The following IRX3 variants were observed in gnomAD, a reference collection of about 807,000 sequenced individuals.
IRX3 encodes the protein iroquois-class homeodomain protein IRX-3.
IRX3 carries 20 observed loss-of-function variants against 36.4 expected under a neutral mutation model. The observed-to-expected ratio is 0.55, with a 90% CI of 0.39 to 0.80. The LOEUF (loss-of-function observed/expected upper bound fraction) is 0.80, where lower values mean the gene tolerates loss of function less well. Ranked by LOEUF, IRX3 falls within the 30% of genes least tolerant of loss-of-function variation. IRX3 has a pLI of 0.00. For missense variants in IRX3, 718 were observed against 733.2 expected (o/e 0.98, Z 0.24); for synonymous variants, 404 against 351.6 (o/e 1.15, Z -1.67).
chr16:54,285,752 A>G lies in IRX3; in HGVS notation c.267+32T>C. On this transcript the variant is annotated intron_variant, in intron 1 of 3. Coordinates refer to ENST00000329734, the MANE Select transcript of IRX3 (RefSeq NM_024336.3). The surrounding 1 kb of genome is among the most constrained non-coding windows in gnomAD (Gnocchi z 5.7). Reference sequence around the variant, plus strand: ...CAGCTCGCCCTGCGCCCCAGCGCCAACCCCTCCTTCCCTGGCTCCGCGGGC... The same window carrying G: ...CAGCTCGCCCTGCGCCCCAGCGCCAGCCCCTCCTTCCCTGGCTCCGCGGGC... 6.7e-7 allele frequency: 1 copy of G among 1,501,414 alleles called. No individual in the cohort carries two copies. The highest frequency in any genetic ancestry group is 8.8e-7 in the Non-Finnish European group (1 of 1,134,424). 93.0% of individuals were successfully genotyped at this position (1,501,414 alleles called of 1,614,324 possible).
At position 54,285,796 on chromosome 16, in the gene IRX3, G is replaced by C. The variant is rs755529466; in HGVS notation, c.255C>G (p.Ile85Met). The C allele has an allele frequency of 1.8e-5, 28 of 1,559,072 alleles. No individual in the cohort carries two copies. Among genetic ancestry groups the C allele is most frequent in the Non-Finnish European group, 2.2e-5 (26 of 1,160,296 alleles). Residue 85 changes from isoleucine (I) to methionine (M), a missense_variant, in exon 1 of 4, where the codon ATC (isoleucine) becomes ATG (methionine). Transcript: ENST00000329734. This position sits in a 1 kb window ranked among gnomAD's most constrained non-coding sequence, Gnocchi z 5.7. ...AFLPYAAELPIFPQLGAQYEL... is the reference protein window; with the variant it reads ...AFLPYAAELPMFPQLGAQYEL... ...CGCGGGCTCTTACCAGCTGCGGGAA[G>C]ATGGGCAGCTCCGCGGCGTAGGGCA...
chr16:54,286,418 C>A lies in IRX3; in HGVS notation c.-368G>T, dbSNP rs1455186958. The A allele has an allele frequency of 1.7e-5, 17 of 984,144 alleles. No individual in the cohort carries two copies. Among genetic ancestry groups the A allele is most frequent in the Non-Finnish European group, 1.9e-5 (16 of 828,836 alleles). The allele number at this position is 984,144 out of a possible 1,614,324, so 61.0% of individuals were successfully genotyped here. A position where few individuals can be genotyped will look rare whatever the true frequency, so the allele number is the denominator to read the frequency against. On this transcript the variant is annotated 5_prime_UTR_variant, in exon 1 of 4. Coordinates refer to ENST00000329734, the MANE Select transcript of IRX3 (RefSeq NM_024336.3). ...ACTGCCCTCCTCTCCCCAGCAGTGT[C>A]GCGCCTCGCTTCCTTCGCCCTCCTC...
Position 54,285,987 on chromosome 16 carries a change from C to T in IRX3, c.64G>A (p.Ala22Thr). Reference protein sequence around the residue: ...RPLYPSERPGAAGGSGGSAGA... With the variant: ...RPLYPSERPGTAGGSGGSAGA... ...GCGCTGCCGCCGCTGCCGCCAGCGG[C>T]CCCCGGGCGCTCGGACGGGTAAAGC... Residue 22 changes from alanine (A) to threonine (T), a missense_variant, in exon 1 of 4, where the codon GCC becomes ACC. Coordinates refer to ENST00000329734, the MANE Select transcript of IRX3 (RefSeq NM_024336.3). This position sits in a 1 kb window ranked among gnomAD's most constrained non-coding sequence, Gnocchi z 5.7. 1.5e-6 allele frequency: 2 copies of T among 1,359,106 alleles called. No homozygotes were observed. The highest frequency in any genetic ancestry group is 3.9e-5 in the South Asian group (2 of 51,248). 84.2% of individuals were successfully genotyped at this position (1,359,106 alleles called of 1,614,324 possible).
rs759429738 is a variant in IRX3 at position 54,283,683 on chromosome 16, G to T, written c.*3C>A. The T allele has an allele frequency of 1.4e-5, 17 of 1,248,930 alleles. No individual in the cohort carries two copies. Among genetic ancestry groups the T allele is most frequent in the South Asian group, 1.2e-5 (1 of 83,620 alleles). 77.4% of individuals were successfully genotyped at this position (1,248,930 alleles called of 1,614,324 possible). A position where few individuals can be genotyped will look rare whatever the true frequency, so the allele number is the denominator to read the frequency against. ...TTTTTGTTTTTTTGTTTTTTTTAAAGAACTAGGATGAGGAGAGAGCCGATA... is the reference window on the plus strand; with the variant it reads ...TTTTTGTTTTTTTGTTTTTTTTAAATAACTAGGATGAGGAGAGAGCCGATA... On this transcript the variant is annotated 3_prime_UTR_variant, in exon 4 of 4. Coordinates refer to ENST00000329734, the MANE Select transcript of IRX3 (RefSeq NM_024336.3). The surrounding 1 kb of genome is among the most constrained non-coding windows in gnomAD (Gnocchi z 4.4).
Position 54,284,379 on chromosome 16 carries a change from G to A in IRX3, c.1385-67C>T, listed in dbSNP as rs774985356. ...CTCGGTGCCGGCGCCCAGGGCCGCA[G>A]AAAGCAGGAGTGGAGAGGGACGCGC... On this transcript the variant is annotated intron_variant, in intron 2 of 3. Transcript: ENST00000329734. This position sits in a 1 kb window ranked among gnomAD's most constrained non-coding sequence, Gnocchi z 4.0. 58 of 1,539,604 alleles carry A rather than the reference G, an allele frequency of 3.8e-5. No homozygotes were observed. The highest frequency in any genetic ancestry group is 5.1e-5 in the Non-Finnish European group (58 of 1,147,988).
At position 54,286,508 on chromosome 16, in the gene IRX3, G is replaced by A. The variant is rs1352981938; in HGVS notation, c.-458C>T. The A allele has an allele frequency of 1.1e-5, 6 of 539,664 alleles. No individual in the cohort carries two copies. Among genetic ancestry groups the A allele is most frequent in the African/African-American group, 6.2e-5 (3 of 48,182 alleles). 33.4% of individuals were successfully genotyped at this position (539,664 alleles called of 1,614,324 possible). The stretch of plus-strand genomic sequence containing the variant: ...CCTCTCCGCACTCCTCTTCCCCCCA[G>A]GATCGCTTCCGCTGCTTCGGGCTCC... On this transcript the variant is annotated 5_prime_UTR_variant, in exon 1 of 4. Transcript: ENST00000329734.
At position 54,285,733 on chromosome 16, in the gene IRX3, G is replaced by T. The variant is rs1448482417; in HGVS notation, c.267+51C>A. 1.3e-5 allele frequency: 19 copies of T among 1,473,742 alleles called. No homozygotes were observed. Among genetic ancestry groups the T allele is most frequent in the Non-Finnish European group, 1.7e-5 (19 of 1,121,636 alleles). The allele number at this position is 1,473,742 out of a possible 1,614,324, so 91.3% of individuals were successfully genotyped here. Reference sequence around the variant, plus strand: ...AGTCCGGCCCCCGCGCGCTCAGCTCGCCCTGCGCCCCAGCGCCAACCCCTC... The same window carrying T: ...AGTCCGGCCCCCGCGCGCTCAGCTCTCCCTGCGCCCCAGCGCCAACCCCTC... On this transcript the variant is annotated intron_variant, in intron 1 of 3. Coordinates refer to ENST00000329734, the MANE Select transcript of IRX3 (RefSeq NM_024336.3). The surrounding 1 kb of genome is among the most constrained non-coding windows in gnomAD (Gnocchi z 5.7).
Position 54,286,039 on chromosome 16 carries a change from G to A in IRX3, c.12C>T (p.Pro4=). 7.6e-7 allele frequency: 1 copy of A among 1,307,208 alleles called. No homozygotes were observed. Among genetic ancestry groups the A allele is most frequent in the Non-Finnish European group, 9.7e-7 (1 of 1,029,256 alleles). The allele number at this position is 1,307,208 out of a possible 1,614,324, so 81.0% of individuals were successfully genotyped here. A position where few individuals can be genotyped will look rare whatever the true frequency, so the allele number is the denominator to read the frequency against. The change falls in exon 1 of 4, where the codon CCC becomes CCT. Residue 4 remains proline (P), a synonymous_variant. Coordinates refer to ENST00000329734, the MANE Select transcript of IRX3 (RefSeq NM_024336.3). MSF[P]QLGYQYIRPL... ...GGCGGATGTATTGGTATCCCAGCTG[G>A]GGGAAGGACATGGTGGCCCGCGGGG...
Position 54,285,525 on chromosome 16 carries a change from G to A in IRX3, c.356C>T (p.Pro119Leu), listed in dbSNP as rs762071998. 2 of 1,612,794 alleles carry A rather than the reference G, an allele frequency of 1.2e-6. No homozygotes were observed. Among genetic ancestry groups the A allele is most frequent in the Non-Finnish European group, 1.7e-6 (2 of 1,179,360 alleles). Residue 119 changes from proline (P) to leucine (L), a missense_variant, in exon 2 of 4, where the codon CCG becomes CTG. By Grantham distance (98) the Pro-to-Leu change is moderately conservative (BLOSUM62 -3). Coordinates refer to ENST00000329734, the MANE Select transcript of IRX3 (RefSeq NM_024336.3). This position sits in a 1 kb window ranked among gnomAD's most constrained non-coding sequence, Gnocchi z 5.7. ...GTCCCCGAACTGGTACTGGCCATAC[G>A]GGTAGAAGGCGGGGTGCGGGTGCGG... ...AFPHPHPAFY[P>L]YGQYQFGDPS...
At position 54,285,647 on chromosome 16, in the gene IRX3, G is replaced by A. The variant is rs750106352; in HGVS notation, c.268-34C>T. On this transcript the variant is annotated intron_variant, in intron 1 of 3. Coordinates refer to ENST00000329734, the MANE Select transcript of IRX3 (RefSeq NM_024336.3). The surrounding 1 kb of genome is among the most constrained non-coding windows in gnomAD (Gnocchi z 5.7). ...ACATGGAGAAGGAAGGGACACGCGC[G>A]GAGGGAGCGCGAGTGAGCCCCAGCC... The A allele has an allele frequency of 5.4e-6, 8 of 1,483,296 alleles. No individual in the cohort carries two copies. Among genetic ancestry groups the A allele is most frequent in the Admixed American group, 4.6e-5 (2 of 43,382 alleles). 91.9% of individuals were successfully genotyped at this position (1,483,296 alleles called of 1,614,324 possible).
In IRX3 at chr16:54,284,458, G is replaced by A; in HGVS notation, c.1384+39C>T. The stretch of plus-strand genomic sequence containing the variant: ...CCGGCCAGCTCCGGCACTACCCGCA[G>A]AGCCCGCCCCCGCTCCGCGCCCAGC... On this transcript the variant is annotated intron_variant, in intron 2 of 3. Coordinates refer to ENST00000329734, the MANE Select transcript of IRX3 (RefSeq NM_024336.3). The surrounding 1 kb of genome is among the most constrained non-coding windows in gnomAD (Gnocchi z 4.0). The A allele has an allele frequency of 7.2e-7, 1 of 1,395,756 alleles. No individual in the cohort carries two copies. The highest frequency in any genetic ancestry group is 9.2e-7 in the Non-Finnish European group (1 of 1,084,264). 86.5% of individuals were successfully genotyped at this position (1,395,756 alleles called of 1,614,324 possible).
Position 54,284,587 on chromosome 16 carries a change from G to A in IRX3, c.1294C>T (p.Pro432Ser), listed in dbSNP as rs952394474. ...CCGGGAAGTCCCAGCAGGTGCGGAG[G>A]GGCAGAGCCCAGCAGGGAGAGCGGG... ...LHPLSLLGSA[P>S]PHLLGLPGAA... The change falls in exon 2 of 4, where the codon CCT becomes TCT. Residue 432 changes from proline (P) to serine (S), a missense_variant. Pro to Ser is a moderately conservative substitution (Grantham distance 74). Around this residue, in one of 3 missense-constraint regions of IRX3, gnomAD observed 468 missense variants for 462.1 expected, o/e 1.01. Transcript: ENST00000329734. This position sits in a 1 kb window ranked among gnomAD's most constrained non-coding sequence, Gnocchi z 4.0. The A allele has an allele frequency of 1.6e-5, 22 of 1,396,928 alleles. No individual in the cohort carries two copies. Among genetic ancestry groups the A allele is most frequent in the Admixed American group, 1.1e-4 (3 of 27,156 alleles). 86.5% of individuals were successfully genotyped at this position (1,396,928 alleles called of 1,614,324 possible).
Position 54,283,959 on chromosome 16 carries a change from G to T in IRX3, c.1452-219C>A. 1.0e-6 allele frequency: 1 copy of T among 985,370 alleles called. No homozygotes were observed. The highest frequency in any genetic ancestry group is 1.2e-6 in the Non-Finnish European group (1 of 829,884). The allele number at this position is 985,370 out of a possible 1,614,324, so 61.0% of individuals were successfully genotyped here. The stretch of plus-strand genomic sequence containing the variant: ...GGGCTGGAAAGAGGTGGGCGTCAGA[G>T]AACCGCCACCCGCCCCAGGGGCCTG... On this transcript the variant is annotated intron_variant, in intron 3 of 3. Transcript: ENST00000329734. The surrounding 1 kb of genome is among the most constrained non-coding windows in gnomAD (Gnocchi z 4.4).
Position 54,283,680 on chromosome 16 carries a change from A to G in IRX3, c.*6T>C. On this transcript the variant is annotated 3_prime_UTR_variant, in exon 4 of 4. Coordinates refer to ENST00000329734, the MANE Select transcript of IRX3 (RefSeq NM_024336.3). The surrounding 1 kb of genome is among the most constrained non-coding windows in gnomAD (Gnocchi z 4.4). The stretch of plus-strand genomic sequence containing the variant: ...TTTTTTTTGTTTTTTTGTTTTTTTT[A>G]AAGAACTAGGATGAGGAGAGAGCCG... 3 of 1,234,904 alleles carry G rather than the reference A, an allele frequency of 2.4e-6. No homozygotes were observed. Among genetic ancestry groups the G allele is most frequent in the Non-Finnish European group, 2.4e-6 (2 of 846,130 alleles). The allele number at this position is 1,234,904 out of a possible 1,614,324, so 76.5% of individuals were successfully genotyped here.
chr16:54,285,380 G>A lies in IRX3; in HGVS notation c.501C>T (p.Thr167=), dbSNP rs765066799. 3 of 1,614,212 alleles carry A rather than the reference G, an allele frequency of 1.9e-6. No homozygotes were observed. Among genetic ancestry groups the A allele is most frequent in the East Asian group, 2.2e-5 (1 of 44,846 alleles). Residue 167 remains threonine (T), a synonymous_variant, in exon 2 of 4, where the codon ACC becomes ACT. Coordinates refer to ENST00000329734, the MANE Select transcript of IRX3 (RefSeq NM_024336.3). The surrounding 1 kb of genome is among the most constrained non-coding windows in gnomAD (Gnocchi z 5.7). ...TGGACACCTGGGTGAGGGTCATCTT[G>A]GTGATGATGGCCAGCATGATCTTCT... ...KGEKIMLAII[T]KMTLTQVSTW... is the part of the protein sequence containing the mutation.
rs1252155647 is a variant in IRX3, at chr16:54,286,164, G to A, written c.-114C>T. ...GCTGGGCCGGGCTTGGGGCCGCGCTGCCGCCCGCGCTGCGCTGTGCTCCGC... is the reference window on the plus strand; with the variant it reads ...GCTGGGCCGGGCTTGGGGCCGCGCTACCGCCCGCGCTGCGCTGTGCTCCGC... On this transcript the variant is annotated 5_prime_UTR_variant, in exon 1 of 4. Transcript: ENST00000329734. 2.8e-5 allele frequency: 30 copies of A among 1,060,358 alleles called. No individual in the cohort carries two copies. The African/African-American group carries it at 4.6e-4, about 16-fold the overall frequency. 65.7% of individuals were successfully genotyped at this position (1,060,358 alleles called of 1,614,324 possible).
rs1567615630 is a variant in IRX3 at position 54,283,399 on chromosome 16, TAC to T, written c.*285_*286del. On this transcript the variant is annotated 3_prime_UTR_variant, in exon 4 of 4. Coordinates refer to ENST00000329734, the MANE Select transcript of IRX3 (RefSeq NM_024336.3). This position sits in a 1 kb window ranked among gnomAD's most constrained non-coding sequence, Gnocchi z 4.4. Reference sequence around the variant, plus strand: ...ACATATGTACATTTCTCTGTATATATACACACACACAAAGGCAGACACGTTTA... The same window carrying T: ...ACATATGTACATTTCTCTGTATATATACACACACAAAGGCAGACACGTTTA... 18 of 359,558 alleles carry T rather than the reference TAC, an allele frequency of 5.0e-5. No homozygotes were observed. Among genetic ancestry groups the T allele is most frequent in the South Asian group, 2.6e-4 (8 of 31,356 alleles). The allele number at this position is 359,558 out of a possible 1,614,324, so 22.3% of individuals were successfully genotyped here.
Position 54,286,466 on chromosome 16 carries a change from C to T in IRX3, c.-416G>A. ...CTCTAGTTTTCACTCCCCCTCCTCG[C>T]CCTTCCTCTCCCCTCCCCTCTCCGC... On this transcript the variant is annotated 5_prime_UTR_variant, in exon 1 of 4. Transcript: ENST00000329734. 1.2e-6 allele frequency: 1 copy of T among 854,342 alleles called. No individual in the cohort carries two copies. Among genetic ancestry groups the T allele is most frequent in the Non-Finnish European group, 1.4e-6 (1 of 710,254 alleles). The allele number at this position is 854,342 out of a possible 1,614,324, so 52.9% of individuals were successfully genotyped here. A position where few individuals can be genotyped will look rare whatever the true frequency, so the allele number is the denominator to read the frequency against.
chr16:54,284,489 G>A lies in IRX3; in HGVS notation c.1384+8C>T. ...GCCCCCGCTCCGCGCCCAGCGCTCAGCAGTCACCTGTTCCGCCTTCGGGCT... is the reference window on the plus strand; with the variant it reads ...GCCCCCGCTCCGCGCCCAGCGCTCAACAGTCACCTGTTCCGCCTTCGGGCT... On this transcript the variant is annotated splice_region_variant and intron_variant, in intron 2 of 3. Coordinates refer to ENST00000329734, the MANE Select transcript of IRX3 (RefSeq NM_024336.3). The surrounding 1 kb of genome is among the most constrained non-coding windows in gnomAD (Gnocchi z 4.0). 2.9e-6 allele frequency: 4 copies of A among 1,402,154 alleles called. No homozygotes were observed. The highest frequency in any genetic ancestry group is 3.7e-6 in the Non-Finnish European group (4 of 1,091,422). The allele number at this position is 1,402,154 out of a possible 1,614,324, so 86.9% of individuals were successfully genotyped here.
Sources: gnomAD v4.1 joint callset for allele counts on GRCh38, gnomAD v4.1.1 for gene constraint, gnomAD v4.1.1 regional missense constraint, Gnocchi (gnomAD v3.1) non-coding constraint, MANE v1.5 for transcripts, NCBI Gene and HGNC (gene_info 2026-07-23, HGNC 2026-07-21) for gene names.